PCLO: variants seen among roughly 807,000 people sequenced by gnomAD.
PCLO encodes the protein piccolo presynaptic cytomatrix protein.
Under a neutral mutation model 427.5 loss-of-function variants are expected in PCLO, and 82 were observed. The observed-to-expected ratio is 0.19, with a 90% CI of 0.16 to 0.23. The LOEUF is 0.23. Ranked by LOEUF, PCLO falls within the 10% of genes least tolerant of loss-of-function variation. The pLI is 1.00. For synonymous variants in PCLO, 2,357 were observed against 2,155.4 expected, an observed-to-expected ratio of 1.09 and a Z score of -2.59; for missense variants, 6,239 against 6,115.9, an observed-to-expected ratio of 1.02 and a Z score of -0.67.
Position 82,838,272 on chromosome 7 carries a change from T to C in PCLO, c.14168A>G (p.Asp4723Gly), listed in dbSNP as rs1453779850. ...ILQARNLVPR[D>G]NNGYSDPFVK... ...AAAAGGGTCAGAATAACCATTGTTG[T>C]CTCGAGGAACAAGATTTCTTGCTTG... is the stretch of plus-strand genomic sequence containing the variant. Residue 4723 changes from aspartate (D) to glycine (G), a missense_variant, in exon 15 of 25, where the codon GAC becomes GGC. By Grantham distance (94) the Asp-to-Gly change is moderately conservative. This residue lies in a region of PCLO where 877 missense variants were observed against 925.5 expected (regional missense o/e 0.95). Transcript: ENST00000333891. 6.3e-7 allele frequency: 1 copy of C among 1,588,000 alleles called. No homozygotes were observed. The highest frequency in any genetic ancestry group is 8.6e-7 in the Non-Finnish European group (1 of 1,161,090).
intron 3 of PCLO, among the ~76,000 whole-genome samples, chr7:83,113,061 AT>A (rs781590118): frequency 1.3e-5 from 2 of 152,314 alleles, no homozygotes; most frequent in East Asian, 3.9e-4. Context: ...AGCAGTAGCT[AT>A]CAAAGCTAGC....
intron 22 of PCLO, among the ~76,000 whole-genome samples, chr7:82,776,860 G>C (rs970499574): frequency 6.8e-6 from 1 of 147,956 alleles, no homozygotes; most frequent in Non-Finnish European, 1.5e-5. Flanking sequence ...ACACATATAT[G>C]TATATGTATA....
At chr7:82,851,307 G>A (rs1467732602) in intron 10 of PCLO, among the ~76,000 whole-genome samples, 2 of 151,590 alleles carry the variant, frequency 1.3e-5, no homozygotes, top group Admixed American at 1.3e-4. Context: ...ACTTGGCAGA[G>A]GCTGGAAGAA....
rs534416219 is a variant in PCLO, at chr7:82,897,526, T to G, written c.13528+5125A>C. 4.6e-5 allele frequency among the ~76,000 whole-genome samples: 7 copies of G among 151,634 alleles called. No homozygotes were observed. In the South Asian group the frequency reaches 1.4e-3, roughly 31 times the overall value. ...GGTATAGGTATGAACAATGAATTTA[T>G]AAATTCCTTGACTGTTGCCTCAGTT... On this transcript the variant is annotated intron_variant, in intron 9 of 24. Coordinates refer to ENST00000333891, the MANE Select transcript of PCLO (RefSeq NM_033026.6).
intron 3 of PCLO, among the ~76,000 whole-genome samples, chr7:83,092,186 T>C (rs1387596105): frequency 6.6e-6 from 1 of 152,122 alleles, no homozygotes; most frequent in East Asian, 1.9e-4. Context: ...TATAATATGA[T>C]TTGTAAGTCA....
intron 7 of PCLO, among the ~76,000 whole-genome samples, chr7:82,913,821 A>G (rs1403823656): frequency 1.3e-5 from 2 of 152,066 alleles, no homozygotes; most frequent in African/African-American, 4.8e-5. Flanking sequence ...TACTTGTTCA[A>G]CATGGAAAAC....
rs6972461 is a variant in PCLO, at chr7:83,155,140, A to T, written c.1501T>A (p.Ser501Thr). Residue 501 changes from serine to threonine, a missense_variant, in exon 2 of 25, where the codon TCT (serine) becomes ACT (threonine). This residue lies in a region of PCLO where 4,677 missense variants were observed against 4,468.4 expected (regional missense o/e 1.05). Coordinates refer to ENST00000333891, the MANE Select transcript of PCLO (RefSeq NM_033026.6). Reference sequence around the variant, plus strand: ...GGTTTTGTTGAGCCAGGCTGTTGAGATGGGGGCTTTGCTGAGCCAGGCTGT... The same window carrying T: ...GGTTTTGTTGAGCCAGGCTGTTGAGTTGGGGGCTTTGCTGAGCCAGGCTGT... ...PQQPGSAKPPSQQPGSTKPPP... is the reference protein window; with the variant it reads ...PQQPGSAKPPTQQPGSTKPPP... The T allele has an allele frequency of 7.3e-7, 1 of 1,370,526 alleles. No homozygotes were observed. Among genetic ancestry groups the T allele is most frequent in the South Asian group, 1.3e-5 (1 of 77,506 alleles). 84.9% of individuals were successfully genotyped at this position (1,370,526 alleles called of 1,614,324 possible). A position where few individuals can be genotyped will look rare whatever the true frequency, so the allele number is the denominator to read the frequency against.
At chr7:82,920,633 A>G (rs1263118802) in intron 6 of PCLO, among the ~76,000 whole-genome samples, 2 of 151,828 alleles carry the variant, frequency 1.3e-5, no homozygotes, top group Non-Finnish European at 2.9e-5. Context: ...AAGTAATTTT[A>G]AAGAACATTT....
intron 2 of PCLO, among the ~76,000 whole-genome samples, chr7:83,139,601 GA>G (rs1428419174): frequency 2.0e-5 from 3 of 152,128 alleles, no homozygotes; most frequent in Non-Finnish European, 4.4e-5. Flanking sequence ...AAATGAGGTG[GA>G]AAATAGGAGT....
intron 9 of PCLO, among the ~76,000 whole-genome samples, chr7:82,885,105 T>G (rs937661780): frequency 6.6e-6 from 1 of 152,210 alleles, no homozygotes; most frequent in Non-Finnish European, 1.5e-5. Flanking sequence ...TGTGACTTGC[T>G]TCTTATCAAT....
intron 6 of PCLO, among the ~76,000 whole-genome samples, chr7:82,927,925 G>T (rs563610945): frequency 2.0e-5 from 3 of 152,096 alleles, no homozygotes; most frequent in African/African-American, 4.8e-5. Flanking sequence ...AATGGGAGGG[G>T]TGATCTGAAT....
intron 18 of PCLO, among the ~76,000 whole-genome samples, chr7:82,825,773 A>G (rs1791922756): frequency 6.8e-6 from 1 of 147,940 alleles, no homozygotes; most frequent in Non-Finnish European, 1.5e-5. Flanking sequence ...CATTGTATAT[A>G]CACATGATAT....
intron 10 of PCLO, among the ~76,000 whole-genome samples, chr7:82,848,110 C>T (rs932996207): frequency 6.6e-6 from 1 of 151,790 alleles, no homozygotes; most frequent in African/African-American, 2.4e-5. Flanking sequence ...TCCTTTGGTC[C>T]ATTTTATATG....
intron 22 of PCLO, among the ~76,000 whole-genome samples, chr7:82,764,930 C>T (rs543630999): frequency 1.6e-4 from 25 of 151,930 alleles, no homozygotes; most frequent in South Asian, 8.3e-4. Context: ...GTAGATCTCA[C>T]GGATATGTAT....
chr7:83,115,651 G>C (rs2116540262), intron 3 of PCLO, among the ~76,000 whole-genome samples: 1 of 152,076 alleles, frequency 6.6e-6, no homozygotes, highest in Non-Finnish European at 1.5e-5. Context: ...CAACAGAGAA[G>C]CAAAATATAT....
At chr7:82,989,923 C>T (rs1007501362) in intron 3 of PCLO, among the ~76,000 whole-genome samples, 1 of 152,044 alleles carries the variant, frequency 6.6e-6, no homozygotes, top group Non-Finnish European at 1.5e-5. Flanking sequence ...TTGCCTGCAG[C>T]ATCACATAGG....
chr7:82,906,051 ATAGG>A lies in PCLO; in HGVS notation c.13437+2822_13437+2825del, dbSNP rs1470318792. On this transcript the variant is annotated intron_variant, in intron 8 of 24. Transcript: ENST00000333891. ...GATAGATAGATAGATAGATAGATAG[ATAGG>A]TACACACACACACATACACACACAT... 5.5e-3 allele frequency among the ~76,000 whole-genome samples: 823 copies of A among 149,326 alleles called. 5 individuals are homozygous for A. The highest frequency in any genetic ancestry group is 0.016 in the African/African-American group (632 of 40,586).
rs1554333552 is a variant in PCLO at position 82,794,459 on chromosome 7, C to CTGTTTTTTTTTTTTTTTTTT, written c.15007+7058_15007+7059insAAAAAAAAAAAAAAAAAACA. 3.5e-3 allele frequency among the ~76,000 whole-genome samples: 195 copies of CTGTTTTTTTTTTTTTTTTTT among 56,370 alleles called. 53 individuals are homozygous for CTGTTTTTTTTTTTTTTTTTT. Among genetic ancestry groups the CTGTTTTTTTTTTTTTTTTTT allele is most frequent in the Middle Eastern group, 0.037 (2 of 54 alleles). 37.0% of individuals were successfully genotyped at this position (56,370 alleles called of 152,430 possible). A position where few individuals can be genotyped will look rare whatever the true frequency, so the allele number is the denominator to read the frequency against. Reference sequence around the variant, plus strand: ...ACATGCTAGTTCATAAATTTTTTTTCTTTTTTTTTTTTTTTTTTTTTTTTT... The same window carrying CTGTTTTTTTTTTTTTTTTTT: ...ACATGCTAGTTCATAAATTTTTTTTCTGTTTTTTTTTTTTTTTTTTTTTTTTTTTTTTTTTTTTTTTTTTT... On this transcript the variant is annotated intron_variant, in intron 22 of 24. Transcript: ENST00000333891.
chr7:82,790,937 T>A (rs899352891), intron 22 of PCLO, among the ~76,000 whole-genome samples: 1 of 152,188 alleles, frequency 6.6e-6, no homozygotes, highest in African/African-American at 2.4e-5. Flanking sequence ...CTCTCAATGT[T>A]TTTGTGTAAA....
Sources: allele counts gnomAD v4.1 joint callset (sites outside exome capture counted in the v4.1 genomes callset), GRCh38; gene constraint gnomAD v4.1.1; regional missense constraint gnomAD v4.1.1; transcripts MANE v1.5; gene names NCBI Gene and HGNC (gene_info 2026-07-23, HGNC 2026-07-21).